The following CDC42EP4 variants were observed in gnomAD, a reference collection of about 807,000 sequenced individuals.
The protein encoded by CDC42EP4 is CDC42 effector protein (Rho GTPase binding) 4.
In CDC42EP4, 6 loss-of-function variants were observed where a neutral mutation model predicts 5.6. That is an observed-to-expected ratio of 1.07 (90% CI 0.59 to 2.12). The LOEUF is 2.12. Among genes scored for constraint, CDC42EP4 ranks in the 30% most tolerant of loss-of-function variants. The probability of loss-of-function intolerance (pLI) is 0.00; values close to 1 mark genes in which losing one functional copy is unlikely to be tolerated. For missense variants in CDC42EP4, 490 were observed against 508.6 expected (o/e 0.96, Z 0.35); for synonymous variants, 230 against 224.2 (o/e 1.03, Z -0.23).
At chr17:73,289,607 G>A (rs2145308976) in intron 1 of CDC42EP4, among the ~76,000 whole-genome samples, 1 of 151,504 alleles carries the variant, frequency 6.6e-6, no homozygotes, top group Non-Finnish European at 1.5e-5. Flanking sequence ...ATTTACAAAA[G>A]CAAACGCAGG....
Position 73,294,193 on chromosome 17 carries a change from A to G in CDC42EP4, c.-112-7581T>C, listed in dbSNP as rs552606414. Among the ~76,000 whole-genome samples, 8 of 152,210 alleles carry G rather than the reference A, an allele frequency of 5.3e-5. No individual in the cohort carries two copies. The East Asian group carries it at 1.5e-3, about 29-fold the overall frequency. ...TGGTGAAACCCCATCTCCACTAAAA[A>G]CACAGAAATCAGCCAGGCATGGTGG... is the stretch of plus-strand genomic sequence containing the variant. On this transcript the variant is annotated intron_variant, in intron 1 of 1. Coordinates refer to ENST00000335793, the MANE Select transcript of CDC42EP4 (RefSeq NM_012121.5).
intron 1 of CDC42EP4, among the ~76,000 whole-genome samples, chr17:73,292,713 C>T (rs955365649): frequency 2.0e-5 from 3 of 152,148 alleles, no homozygotes; most frequent in Non-Finnish European, 2.9e-5. Flanking sequence ...GCAGAGGGAA[C>T]GGCGCGTGCA....
At chr17:73,288,408 A>G (rs1599429753) in intron 1 of CDC42EP4, among the ~76,000 whole-genome samples, 1 of 137,584 alleles carries the variant, frequency 7.3e-6, no homozygotes, top group East Asian at 2.1e-4. Context: ...ACGTCCAGCT[A>G]TTTTTTTTTT....
In CDC42EP4 at chr17:73,285,507, G is replaced by C; in HGVS notation, c.994C>G (p.Arg332Gly). The change falls in exon 2 of 2, where the codon CGG (arginine) becomes GGG (glycine). Residue 332 changes from arginine to glycine, a missense_variant. Transcript: ENST00000335793. This position sits in a 1 kb window ranked among gnomAD's most constrained non-coding sequence, Gnocchi z 6.8. ...SPAFRGPDRA[R>G]AAVSRQPDKE... The stretch of plus-strand genomic sequence containing the variant: ...TCTGGCTGTCTTGAGACAGCAGCCC[G>C]GGCCCTGTCCGGCCCCCGGAAGGCA... 6 of 1,607,888 alleles carry C rather than the reference G, an allele frequency of 3.7e-6. No individual in the cohort carries two copies. Among genetic ancestry groups the C allele is most frequent in the Non-Finnish European group, 5.1e-6 (6 of 1,176,642 alleles).
intron 1 of CDC42EP4, among the ~76,000 whole-genome samples, chr17:73,308,550 G>A (rs2062256369): frequency 6.6e-6 from 1 of 152,190 alleles, no homozygotes; most frequent in African/African-American, 2.4e-5. Flanking sequence ...TCTTCACTTC[G>A]AACCCAATCC....
chr17:73,296,299 T>C (rs1186391147), intron 1 of CDC42EP4, among the ~76,000 whole-genome samples: 10 of 150,196 alleles, frequency 6.7e-5, no homozygotes, highest in African/African-American at 2.5e-4. Flanking sequence ...GCGCCTGTAA[T>C]CCCAGCTACT....
chr17:73,296,908 G>A (rs527578120), intron 1 of CDC42EP4, among the ~76,000 whole-genome samples: 108 of 146,004 alleles, frequency 7.4e-4, no homozygotes, highest in Middle Eastern at 3.7e-3. Context: ...GTGAACCCGG[G>A]AGGCGGAGCT....
rs538355743 is a variant in CDC42EP4, at chr17:73,290,750, G to A, written c.-112-4138C>T. On this transcript the variant is annotated intron_variant, in intron 1 of 1. Coordinates refer to ENST00000335793, the MANE Select transcript of CDC42EP4 (RefSeq NM_012121.5). ...GGTCAGAACCGGGTGAGAACATGGC[G>A]GCACGAGCCCCCAGAGCTGCGTTAA... is the stretch of plus-strand genomic sequence containing the variant. 3.0e-4 allele frequency among the ~76,000 whole-genome samples: 46 copies of A among 152,328 alleles called. 1 individual carries two copies. In the South Asian group the frequency reaches 5.6e-3, roughly 19 times the overall value.
intron 1 of CDC42EP4, among the ~76,000 whole-genome samples, chr17:73,294,893 C>T (rs1006159659): frequency 3.3e-5 from 5 of 152,110 alleles, no homozygotes; most frequent in African/African-American, 9.7e-5. Context: ...CACTGTACCT[C>T]CACCTCCCAG....
intron 1 of CDC42EP4, among the ~76,000 whole-genome samples, chr17:73,297,598 G>T (rs2062195463): frequency 6.6e-6 from 1 of 152,160 alleles, no homozygotes; most frequent in South Asian, 2.1e-4. Context: ...GGCACATGGA[G>T]AAATTAAGAA....
In CDC42EP4 at chr17:73,285,577, G is replaced by A; in HGVS notation, c.924C>T (p.Ser308=). Residue 308 remains serine, a synonymous_variant, in exon 2 of 2, where the codon AGC becomes AGT. Coordinates refer to ENST00000335793, the MANE Select transcript of CDC42EP4 (RefSeq NM_012121.5). This position sits in a 1 kb window ranked among gnomAD's most constrained non-coding sequence, Gnocchi z 6.8. ...SMGSHTTRDS[S]SLSSCTSGIL... ...TGCCTGAGGTGCAGCTGGAGAGGGA[G>A]CTGCTGTCCCGTGTGGTGTGGCTGC... is the stretch of plus-strand genomic sequence containing the variant. 1.2e-6 allele frequency: 2 copies of A among 1,611,828 alleles called. No individual in the cohort carries two copies. The highest frequency in any genetic ancestry group is 8.5e-7 in the Non-Finnish European group (1 of 1,179,488).
At chr17:73,310,439 A>AG (rs1185282703) in intron 1 of CDC42EP4, among the ~76,000 whole-genome samples, 1 of 151,952 alleles carries the variant, frequency 6.6e-6, no homozygotes, top group Non-Finnish European at 1.5e-5. Context: ...CTGGACCCTC[A>AG]GGGGAGGGCA....
intron 1 of CDC42EP4, chr17:73,310,759 A>T (rs2062269724): frequency 2.9e-5 from 4 of 138,158 alleles, no homozygotes; most frequent in African/African-American, 8.7e-5. Context: ...ACACACACAC[A>T]CACACACACA....
intron 1 of CDC42EP4, among the ~76,000 whole-genome samples, chr17:73,292,729 C>T (rs9907168): frequency 0.19 from 29,018 of 151,938 alleles, 3,091 homozygotes; most frequent in Admixed American, 0.28. Flanking sequence ...GTGCAAACGC[C>T]GGGGTATAGG....
chr17:73,285,292 C>G lies in CDC42EP4; in HGVS notation c.*138G>C. On this transcript the variant is annotated 3_prime_UTR_variant, in exon 2 of 2. Transcript: ENST00000335793. This position sits in a 1 kb window ranked among gnomAD's most constrained non-coding sequence, Gnocchi z 6.8. ...AGACCCGAGGGCCAGGCCAGTGTCCCTCATCTACAAGGTCCAGGGTCCATG... is the reference window on the plus strand; with the variant it reads ...AGACCCGAGGGCCAGGCCAGTGTCCGTCATCTACAAGGTCCAGGGTCCATG... 1 of 681,326 alleles carries G rather than the reference C, an allele frequency of 1.5e-6. No individual in the cohort carries two copies. The highest frequency in any genetic ancestry group is 2.3e-5 in the South Asian group (1 of 43,152). The allele number at this position is 681,326 out of a possible 1,614,324, so 42.2% of individuals were successfully genotyped here. A position where few individuals can be genotyped will look rare whatever the true frequency, so the allele number is the denominator to read the frequency against.
In CDC42EP4 at chr17:73,304,982, C is replaced by T. The variant is rs73996158; in HGVS notation, c.-113+6911G>A. Among the ~76,000 whole-genome samples, 1,285 of 152,288 alleles carry T rather than the reference C, an allele frequency of 8.4e-3. 19 individuals are homozygous for T. The highest frequency in any genetic ancestry group is 0.029 in the African/African-American group (1,195 of 41,550). ...CACCCACCTCATCCTTATCCTCATCCCCATCCCAGAACCACAGGCTTCAGG... is the reference window on the plus strand; with the variant it reads ...CACCCACCTCATCCTTATCCTCATCTCCATCCCAGAACCACAGGCTTCAGG... On this transcript the variant is annotated intron_variant, in intron 1 of 1. Coordinates refer to ENST00000335793, the MANE Select transcript of CDC42EP4 (RefSeq NM_012121.5).
At chr17:73,308,893 C>G (rs2062258242) in intron 1 of CDC42EP4, among the ~76,000 whole-genome samples, 1 of 151,438 alleles carries the variant, frequency 6.6e-6, no homozygotes, top group South Asian at 2.1e-4. Context: ...AAAAAATTAG[C>G]CGGGCGTGGT....
chr17:73,297,826 T>C (rs1303526343), intron 1 of CDC42EP4, among the ~76,000 whole-genome samples: 1 of 151,844 alleles, frequency 6.6e-6, no homozygotes, highest in Non-Finnish European at 1.5e-5. Flanking sequence ...GGCCAGTTAA[T>C]TTTTATATTT....
At chr17:73,292,345 C>T (rs2062165442) in intron 1 of CDC42EP4, among the ~76,000 whole-genome samples, 1 of 152,212 alleles carries the variant, frequency 6.6e-6, no homozygotes, top group Non-Finnish European at 1.5e-5. Flanking sequence ...TGACCTGGAT[C>T]GGCTACAAGA....
Sources: allele counts gnomAD v4.1 joint callset (sites outside exome capture counted in the v4.1 genomes callset), GRCh38; gene constraint gnomAD v4.1.1; non-coding constraint Gnocchi (gnomAD v3.1); transcripts MANE v1.5; gene names NCBI Gene and HGNC (gene_info 2026-07-23, HGNC 2026-07-21).